Variants in STX8 observed in about 807,000 individuals in gnomAD.
STX8 encodes the protein syntaxin 8.
A neutral mutation model predicts 37.5 loss-of-function variants in STX8; 23 were observed. The ratio of observed to expected loss-of-function variants is 0.61; its 90% CI spans 0.44 to 0.87. The LOEUF is 0.87. Ranked by LOEUF, STX8 falls within the 40% of genes least tolerant of loss-of-function variation. The pLI is 0.00. For missense variants in STX8, 313 were observed against 284.7 expected (o/e 1.10, Z -0.71); for synonymous variants, 115 against 99.1 (o/e 1.16, Z -0.95).
intron 5 of STX8, among the ~76,000 whole-genome samples, chr17:9,493,638 T>C (rs1906950711): frequency 6.6e-6 from 1 of 152,218 alleles, no homozygotes; most frequent in African/African-American, 2.4e-5. Flanking sequence ...CTCTTAGCCC[T>C]AGGGGCGTGG....
At chr17:9,327,745 G>A (rs572366825) in intron 7 of STX8, among the ~76,000 whole-genome samples, 1 of 152,098 alleles carries the variant, frequency 6.6e-6, no homozygotes, top group East Asian at 1.9e-4. Flanking sequence ...GTGCAATCAC[G>A]GCTCACTGCA....
intron 7 of STX8, among the ~76,000 whole-genome samples, chr17:9,288,909 A>C (rs1157396028): frequency 6.6e-6 from 1 of 152,168 alleles, no homozygotes; most frequent in Non-Finnish European, 1.5e-5. Flanking sequence ...TGAGAACTGA[A>C]GGACATGAAT....
chr17:9,299,208 C>G (rs766286928), intron 7 of STX8, among the ~76,000 whole-genome samples: 11 of 152,146 alleles, frequency 7.2e-5, no homozygotes, highest in Non-Finnish European at 1.6e-4. Context: ...GACCTTTTCT[C>G]CCGGATGCAT....
At chr17:9,512,510 T>C (rs114660298) in intron 4 of STX8, among the ~76,000 whole-genome samples, 1,782 of 152,122 alleles carry the variant, frequency 0.012, 33 homozygotes, top group African/African-American at 0.04. Context: ...ATAACCCAGC[T>C]GGAGTGCAGT....
chr17:9,455,768 C>A (rs1905169522), intron 6 of STX8, among the ~76,000 whole-genome samples: 1 of 152,186 alleles, frequency 6.6e-6, no homozygotes, highest in African/African-American at 2.4e-5. Context: ...ATGTCCTCTG[C>A]AGACAGTACA....
chr17:9,508,592 G>T (rs1445489625), intron 4 of STX8, among the ~76,000 whole-genome samples: 1 of 152,208 alleles, frequency 6.6e-6, no homozygotes, highest in Non-Finnish European at 1.5e-5. Context: ...GCCTCCCAAA[G>T]TGCCAGGATT....
At chr17:9,404,867 G>A (rs1352544469) in intron 6 of STX8, among the ~76,000 whole-genome samples, 3 of 152,192 alleles carry the variant, frequency 2.0e-5, no homozygotes, top group Admixed American at 6.5e-5. Flanking sequence ...TGGTTTGGAA[G>A]CAGACATCTC....
intron 7 of STX8, among the ~76,000 whole-genome samples, chr17:9,290,851 T>C (rs747511997): frequency 6.6e-6 from 1 of 152,218 alleles, no homozygotes; most frequent in South Asian, 2.1e-4. Context: ...TGCTTCTTAT[T>C]AGGGTGCAGT....
intron 7 of STX8, among the ~76,000 whole-genome samples, chr17:9,359,670 G>A (rs1191873029): frequency 1.3e-5 from 2 of 151,772 alleles, no homozygotes; most frequent in African/African-American, 4.8e-5. Context: ...ACCATGCCCG[G>A]CTAATATTTT....
At chr17:9,363,968 C>T (rs16958204) in intron 7 of STX8, among the ~76,000 whole-genome samples, 4,368 of 152,220 alleles carry the variant, frequency 0.029, 119 homozygotes, top group African/African-American at 0.074. Context: ...TAAGCTGAAG[C>T]GTCAACGTTT....
intron 6 of STX8, among the ~76,000 whole-genome samples, chr17:9,459,186 CAT>C (rs1905278916): frequency 1.3e-5 from 2 of 152,126 alleles, no homozygotes; most frequent in African/African-American, 4.8e-5. Context: ...ATTAACAAGA[CAT>C]AGAGTTGTTA....
rs1567586151 is a variant in STX8 at position 9,496,073 on chromosome 17, CTCTT to C, written c.449-4156_449-4153del. Among the ~76,000 whole-genome samples the C allele has an allele frequency of 3.5e-4, 18 of 51,094 alleles. No homozygotes were observed. In the South Asian group the frequency reaches 9.3e-3, roughly 26 times the overall value. 33.5% of individuals were successfully genotyped at this position (51,094 alleles called of 152,430 possible). On this transcript the variant is annotated intron_variant, in intron 5 of 7. Coordinates refer to ENST00000306357, the MANE Select transcript of STX8 (RefSeq NM_004853.3). ...CATACCATGCAGTTTCTTTTTCTTTCTCTTTTTTTTTTTTTTTTTGAGACAGAGT... is the reference window on the plus strand; with the variant it reads ...CATACCATGCAGTTTCTTTTTCTTTCTTTTTTTTTTTTTTTGAGACAGAGT...
intron 7 of STX8, among the ~76,000 whole-genome samples, chr17:9,280,971 C>A (rs1907860567): frequency 6.6e-6 from 1 of 152,066 alleles, no homozygotes; most frequent in Non-Finnish European, 1.5e-5. Context: ...TGTGTGTGGG[C>A]CACAGATAAG....
Position 9,575,795 on chromosome 17 carries a change from G to T in STX8, c.14C>A (p.Pro5His), listed in dbSNP as rs183889024. ...GCCGCCCTCACCCGGGACTCACCAG[G>T]GGTCCGGTGCCATCCTGCAGACTCC... MAPD[P>H]WFSTYDSTCQ... The change falls in exon 1 of 8, where the codon CCC becomes CAC. Residue 5 changes from proline to histidine, a missense_variant. Pro to His is a moderately conservative substitution (Grantham distance 77, BLOSUM62 -2). Coordinates refer to ENST00000306357, the MANE Select transcript of STX8 (RefSeq NM_004853.3). The T allele has an allele frequency of 1.3e-6, 2 of 1,543,758 alleles. No individual in the cohort carries two copies. The highest frequency in any genetic ancestry group is 4.9e-5 in the East Asian group (2 of 40,914).
intron 6 of STX8, among the ~76,000 whole-genome samples, chr17:9,402,115 TTTATTTA>T (rs1015811618): frequency 4.1e-4 from 62 of 151,796 alleles, no homozygotes; most frequent in African/African-American, 1.5e-3. Flanking sequence ...TATTTATTTA[TTTATTTA>T]TTATTATTTG....
At chr17:9,342,589 G>A (rs993181057) in intron 7 of STX8, among the ~76,000 whole-genome samples, 3 of 152,160 alleles carry the variant, frequency 2.0e-5, no homozygotes, top group Non-Finnish European at 2.9e-5. Flanking sequence ...ACCGGTGTGG[G>A]CTGGCTTCTT....
intron 6 of STX8, among the ~76,000 whole-genome samples, chr17:9,394,062 AGAG>A (rs1300145901): frequency 1.3e-5 from 2 of 152,246 alleles, no homozygotes; most frequent in African/African-American, 4.8e-5. Flanking sequence ...GTAAAGAACA[AGAG>A]GAGGAAAAAC....
intron 7 of STX8, among the ~76,000 whole-genome samples, chr17:9,271,910 T>C (rs995971748): frequency 1.6e-4 from 25 of 152,166 alleles, no homozygotes; most frequent in African/African-American, 4.8e-4. Flanking sequence ...AACCGTGGCT[T>C]TCTCTGGCGA....
chr17:9,310,226 G>A (rs992060698), intron 7 of STX8, among the ~76,000 whole-genome samples: 2 of 152,148 alleles, frequency 1.3e-5, no homozygotes, highest in African/African-American at 4.8e-5. Context: ...GAACTTCGTG[G>A]TGGAGACTGT....
Sources: gnomAD v4.1 joint callset for allele counts (sites outside exome capture counted in the v4.1 genomes callset) on GRCh38, gnomAD v4.1.1 for gene constraint, MANE v1.5 for transcripts, NCBI Gene and HGNC (gene_info 2026-07-23, HGNC 2026-07-21) for gene names.